The following TWNK variants were observed in gnomAD, a reference collection of about 807,000 sequenced individuals.
TWNK encodes the protein T7 gp4-like protein with intramitochondrial nucleoid localization.
TWNK carries 36 observed loss-of-function variants against 58.2 expected under a neutral mutation model. That is an observed-to-expected ratio of 0.62 (90% CI 0.47 to 0.82). The LOEUF is 0.82. TWNK is among the 40% of genes least tolerant of loss of function. The pLI, the probability that TWNK is intolerant of heterozygous loss-of-function variation, is 0.00. For synonymous variants in TWNK, 349 were observed against 348.5 expected (o/e 1.00, Z -0.02); for missense variants, 714 against 881.0 (o/e 0.81, Z 2.40).
At position 100,989,649 on chromosome 10, in the gene TWNK, A is replaced by G; in HGVS notation, c.1249A>G (p.Thr417Ala). Residue 417 changes from threonine (T) to alanine (A), a missense_variant, in exon 2 of 5, where the codon ACA (threonine) becomes GCA (alanine). Physicochemically the swap from Thr to Ala is moderately conservative, Grantham distance 58. Transcript: ENST00000311916. The surrounding 1 kb of genome is among the most constrained non-coding windows in gnomAD (Gnocchi z 7.6). ...KGELTVFTGPTGSGKTTFISE... is the reference protein window; with the variant it reads ...KGELTVFTGPAGSGKTTFISE... Reference sequence around the variant, plus strand: ...TCTGTTCCACCCCACTGCAGGGCCAACAGGCAGTGGAAAGACGACATTCAT... The same window carrying G: ...TCTGTTCCACCCCACTGCAGGGCCAGCAGGCAGTGGAAAGACGACATTCAT... 1 of 1,614,104 alleles carries G rather than the reference A, an allele frequency of 6.2e-7. No individual in the cohort carries two copies. The highest frequency in any genetic ancestry group is 8.5e-7 in the Non-Finnish European group (1 of 1,180,040).
chr10:100,988,626 G>A lies in TWNK; in HGVS notation c.416G>A (p.Gly139Glu), dbSNP rs1408088932. The A allele has an allele frequency of 6.2e-7, 1 of 1,613,840 alleles. No homozygotes were observed. The highest frequency in any genetic ancestry group is 1.3e-5 in the African/African-American group (1 of 74,932). ...VEGRGDGARE[G>E]FLLSKAPEFE... ...GGGCGAGGGGATGGGGCCAGGGAGG[G>A]GTTTCTGCTTAGCAAGGCACCAGAA... Residue 139 changes from glycine (G) to glutamate (E), a missense_variant, in exon 1 of 5, where the codon GGG (glycine) becomes GAG (glutamate). Transcript: ENST00000311916. This position sits in a 1 kb window ranked among gnomAD's most constrained non-coding sequence, Gnocchi z 5.2.
rs3740485 is a variant in TWNK, at chr10:100,990,864, C to T, written c.1593-5C>T. On this transcript the variant is annotated splice_region_variant and splice_polypyrimidine_tract_variant and intron_variant, in intron 3 of 4. Coordinates refer to ENST00000311916, the MANE Select transcript of TWNK (RefSeq NM_021830.5). ...TAAGCTCTTTGTGTTGTTGGGATGG[C>T]GTAGGATCGCAGCTCAAGACTACAT... 380,803 of 1,611,850 alleles carry T rather than the reference C, an allele frequency of 0.24. 51,486 individuals carry two copies. Among genetic ancestry groups the T allele is most frequent in the East Asian group, 0.55 (24,754 of 44,824 alleles).
Position 100,991,808 on chromosome 10 carries a change from C to T in TWNK, c.1734+798C>T, listed in dbSNP as rs184672855. Among the ~76,000 whole-genome samples the T allele has an allele frequency of 4.4e-3, 655 of 149,570 alleles. 6 individuals are homozygous for T. Among genetic ancestry groups the T allele is most frequent in the African/African-American group, 0.015 (595 of 40,518 alleles). On this transcript the variant is annotated intron_variant, in intron 4 of 4. Transcript: ENST00000311916. ...CGGGTGGATCACGAGGTCAGGAGATCGAGACTATCTTGCTAACATGGTGAA... is the reference window on the plus strand; with the variant it reads ...CGGGTGGATCACGAGGTCAGGAGATTGAGACTATCTTGCTAACATGGTGAA...
At position 100,988,817 on chromosome 10, in the gene TWNK, A is replaced by G; in HGVS notation, c.607A>G (p.Ser203Gly). 1 of 1,614,214 alleles carries G rather than the reference A, an allele frequency of 6.2e-7. No individual in the cohort carries two copies. The highest frequency in any genetic ancestry group is 8.5e-7 in the Non-Finnish European group (1 of 1,180,020). ...TGTGCGATATCTGCGACCTGCTCGC[A>G]GTCTTGTCTTCCCTTGGTTCTCCCC... The part of the protein sequence containing the change: ...FSVRYLRPAR[S>G]LVFPWFSPGG... The change falls in exon 1 of 5, where the codon AGT (serine) becomes GGT (glycine). Residue 203 changes from serine to glycine, a missense_variant. Coordinates refer to ENST00000311916, the MANE Select transcript of TWNK (RefSeq NM_021830.5). This position sits in a 1 kb window ranked among gnomAD's most constrained non-coding sequence, Gnocchi z 5.2.
rs1248647250 is a variant in TWNK at position 100,989,482 on chromosome 10, G to A, written c.1243+29G>A. ...ACCCTTTGAGAAATCACTACTTAGA[G>A]TAAAGGGGCAGAAGATCAGGTGACA... On this transcript the variant is annotated intron_variant, in intron 1 of 4. Transcript: ENST00000311916. This position sits in a 1 kb window ranked among gnomAD's most constrained non-coding sequence, Gnocchi z 7.6. 1 of 1,612,376 alleles carries A rather than the reference G, an allele frequency of 6.2e-7. No individual in the cohort carries two copies. The highest frequency in any genetic ancestry group is 2.2e-5 in the East Asian group (1 of 44,874).
rs1363053871 is a variant in TWNK at position 100,990,419 on chromosome 10, G to A, written c.1485-17G>A. ...CTAGAGACAACTTGTCAAATTCCTT[G>A]CCTTTCCTCTTCCCAGGACTGTAAT... On this transcript the variant is annotated splice_polypyrimidine_tract_variant and intron_variant, in intron 2 of 4. Coordinates refer to ENST00000311916, the MANE Select transcript of TWNK (RefSeq NM_021830.5). 1.4e-5 allele frequency: 22 copies of A among 1,599,404 alleles called. No homozygotes were observed. Among genetic ancestry groups the A allele is most frequent in the Non-Finnish European group, 1.9e-5 (22 of 1,166,824 alleles).
rs1337054015 is a variant in TWNK, at chr10:100,993,294, T to G, written c.1839T>G (p.Asp613Glu). 2 of 1,614,038 alleles carry G rather than the reference T, an allele frequency of 1.2e-6. No homozygotes were observed. Among genetic ancestry groups the G allele is most frequent in the Non-Finnish European group, 1.7e-6 (2 of 1,180,046 alleles). Residue 613 changes from aspartate to glutamate, a missense_variant, in exon 5 of 5, where the codon GAT becomes GAG. Asp to Glu is a conservative substitution (Grantham distance 45, BLOSUM62 2). Coordinates refer to ENST00000311916, the MANE Select transcript of TWNK (RefSeq NM_021830.5). ...TGTCCAAGAACCGCTTTGATGGAGA[T>G]GTAGGTGTCTTCCCGCTTGAGTTCA... is the stretch of plus-strand genomic sequence containing the variant. The part of the protein sequence containing the change: ...LQVSKNRFDG[D>E]VGVFPLEFNK...
chr10:100,990,613 T>C lies in TWNK; in HGVS notation c.1592+70T>C. ...ATACAACACACACTTCTCAGGCAGC[T>C]GGCCTCTAGGCACACATGCTGTGCT... is the stretch of plus-strand genomic sequence containing the variant. On this transcript the variant is annotated intron_variant, in intron 3 of 4. Transcript: ENST00000311916. 1.9e-6 allele frequency: 3 copies of C among 1,612,118 alleles called. No individual in the cohort carries two copies. The Admixed American group carries it at 5.0e-5, about 27-fold the overall frequency.
At position 100,993,679 on chromosome 10, in the gene TWNK, T is replaced by A. The variant is rs1178836128; in HGVS notation, c.*169T>A. The stretch of plus-strand genomic sequence containing the variant: ...GAGAAAATTCAATGTAGCAGACTAC[T>A]GAGAAACTACTGTGTTGCTCAGGCT... On this transcript the variant is annotated 3_prime_UTR_variant, in exon 5 of 5. Coordinates refer to ENST00000311916, the MANE Select transcript of TWNK (RefSeq NM_021830.5). 4.2e-6 allele frequency: 3 copies of A among 720,246 alleles called. No individual in the cohort carries two copies. Among genetic ancestry groups the A allele is most frequent in the African/African-American group, 3.5e-5 (2 of 56,730 alleles). The allele number at this position is 720,246 out of a possible 1,614,324, so 44.6% of individuals were successfully genotyped here.
In TWNK at chr10:100,994,306, C is replaced by T. The variant is rs541325538; in HGVS notation, c.*796C>T. On this transcript the variant is annotated 3_prime_UTR_variant, in exon 5 of 5. Coordinates refer to ENST00000311916, the MANE Select transcript of TWNK (RefSeq NM_021830.5). Reference sequence around the variant, plus strand: ...AGCTGTCAGCCCGGAGTGCCTGCCACCTAGACACTGATGCCATTGTGTGCT... The same window carrying T: ...AGCTGTCAGCCCGGAGTGCCTGCCATCTAGACACTGATGCCATTGTGTGCT... 2.0e-5 allele frequency: 3 copies of T among 152,272 alleles called. No homozygotes were observed. Among genetic ancestry groups the T allele is most frequent in the South Asian group, 2.1e-4 (1 of 4,840 alleles). 9.4% of individuals were successfully genotyped at this position (152,272 alleles called of 1,614,324 possible).
chr10:100,992,275 G>A (rs541759586), intron 4 of TWNK, among the ~76,000 whole-genome samples: 34 of 132,134 alleles, frequency 2.6e-4, no homozygotes, highest in Non-Finnish European at 4.4e-4. Flanking sequence ...GTGCAGTGGC[G>A]CGATCTCGGC....
In TWNK at chr10:100,994,131, A is replaced by C. The variant is rs528661244; in HGVS notation, c.*621A>C. The C allele has an allele frequency of 1.9e-5, 3 of 156,916 alleles. No individual in the cohort carries two copies. The highest frequency in any genetic ancestry group is 1.8e-4 in the Admixed American group (3 of 16,376). 9.7% of individuals were successfully genotyped at this position (156,916 alleles called of 1,614,324 possible). On this transcript the variant is annotated 3_prime_UTR_variant, in exon 5 of 5. Coordinates refer to ENST00000311916, the MANE Select transcript of TWNK (RefSeq NM_021830.5). ...AAAGTCAAAGGGTGATACAGTGGGT[A>C]CCAAGCTCCTCTGCTCCCCACTTTG...
Position 100,989,652 on chromosome 10 carries a change from G to A in TWNK, c.1252G>A (p.Gly418Ser), listed in dbSNP as rs368354221. The change falls in exon 2 of 5, where the codon GGC (glycine) becomes AGC (serine). Residue 418 changes from glycine (G) to serine (S), a missense_variant. By Grantham distance (56) the Gly-to-Ser change is moderately conservative. Transcript: ENST00000311916. The surrounding 1 kb of genome is among the most constrained non-coding windows in gnomAD (Gnocchi z 7.6). ...GTTCCACCCCACTGCAGGGCCAACA[G>A]GCAGTGGAAAGACGACATTCATCAG... is the stretch of plus-strand genomic sequence containing the variant. The part of the protein sequence containing the change: ...GELTVFTGPT[G>S]SGKTTFISEY... 1 of 1,614,018 alleles carries A rather than the reference G, an allele frequency of 6.2e-7. No homozygotes were observed. Among genetic ancestry groups the A allele is most frequent in the Non-Finnish European group, 8.5e-7 (1 of 1,180,046 alleles).
chr10:100,993,083 G>A (rs1419853384), intron 4 of TWNK, 107 bp from the exon 5 acceptor site: 4 of 1,194,068 alleles, frequency 3.3e-6, no homozygotes, highest in East Asian at 4.7e-5. Flanking sequence ...ATTGTACCCA[G>A]CCCCTCTCCC....
At position 100,988,594 on chromosome 10, in the gene TWNK, C is replaced by T. The variant is rs148234280; in HGVS notation, c.384C>T (p.Ser128=). 1.2e-4 allele frequency: 191 copies of T among 1,613,780 alleles called. No homozygotes were observed. The Middle Eastern group carries it at 2.0e-3, about 17-fold the overall frequency. Residue 128 remains serine (S), a synonymous_variant, in exon 1 of 5, where the codon AGC becomes AGT. Transcript: ENST00000311916. The surrounding 1 kb of genome is among the most constrained non-coding windows in gnomAD (Gnocchi z 5.2). The stretch of plus-strand genomic sequence containing the variant: ...GGAGCTGGGAAGACTTCCAGGCCAG[C>T]GTGGAGGGGCGAGGGGATGGGGCCA... ...AEGSWEDFQA[S]VEGRGDGARE... is the part of the protein sequence containing the mutation.
rs1161034925 is a variant in TWNK, at chr10:100,988,243, C to A, written c.33C>A (p.Leu11=). 1.2e-6 allele frequency: 2 copies of A among 1,614,190 alleles called. No homozygotes were observed. The highest frequency in any genetic ancestry group is 1.7e-6 in the Non-Finnish European group (2 of 1,180,044). MWVLLRSGYP[L]RILLPLRGEW... ...TCCTCCTCCGAAGTGGGTACCCCCTCCGTATCTTGTTACCCCTGCGTGGGG... is the reference window on the plus strand; with the variant it reads ...TCCTCCTCCGAAGTGGGTACCCCCTACGTATCTTGTTACCCCTGCGTGGGG... The change falls in exon 1 of 5, where the codon CTC becomes CTA. Residue 11 remains leucine (L), a synonymous_variant. Transcript: ENST00000311916. The surrounding 1 kb of genome is among the most constrained non-coding windows in gnomAD (Gnocchi z 5.2).
rs1175337383 is a variant in TWNK at position 100,989,425 on chromosome 10, T to C, written c.1215T>C (p.His405=). 1 of 1,613,972 alleles carries C rather than the reference T, an allele frequency of 6.2e-7. No homozygotes were observed. Among genetic ancestry groups the C allele is most frequent in the African/African-American group, 1.3e-5 (1 of 74,912 alleles). ...FPDLNRILKG[H]RKGELTVFTG... ...ACCTCAATCGTATCTTGAAGGGACATCGAAAGGGCGAGCTGACGGTCTTCA... is the reference window on the plus strand; with the variant it reads ...ACCTCAATCGTATCTTGAAGGGACACCGAAAGGGCGAGCTGACGGTCTTCA... Residue 405 remains histidine, a synonymous_variant, in exon 1 of 5, where the codon CAT becomes CAC. Coordinates refer to ENST00000311916, the MANE Select transcript of TWNK (RefSeq NM_021830.5). The surrounding 1 kb of genome is among the most constrained non-coding windows in gnomAD (Gnocchi z 7.6).
chr10:100,987,780 G>C lies in TWNK; in HGVS notation c.-431G>C. The C allele has an allele frequency of 1.7e-6, 1 of 584,626 alleles. No individual in the cohort carries two copies. Among genetic ancestry groups the C allele is most frequent in the Non-Finnish European group, 3.0e-6 (1 of 330,966 alleles). The allele number at this position is 584,626 out of a possible 1,614,324, so 36.2% of individuals were successfully genotyped here. A position where few individuals can be genotyped will look rare whatever the true frequency, so the allele number is the denominator to read the frequency against. ...CCAGTGAGGGGAAGGAGAAGCGGAAGAGGGTCTCTAGTCGGGGCCTAGGGC... is the reference window on the plus strand; with the variant it reads ...CCAGTGAGGGGAAGGAGAAGCGGAACAGGGTCTCTAGTCGGGGCCTAGGGC... On this transcript the variant is annotated 5_prime_UTR_variant, in exon 1 of 5. Transcript: ENST00000311916.
intron 3 of TWNK, 60 bp from the exon 4 acceptor site, chr10:100,990,809 A>G (rs1023300903): frequency 4.4e-6 from 7 of 1,599,394 alleles, no homozygotes; most frequent in South Asian, 1.1e-5. Flanking sequence ...GATCAAGAGT[A>G]TGTGTATGTT....
Sources: gnomAD v4.1 joint callset for allele counts (sites outside exome capture counted in the v4.1 genomes callset) on GRCh38, gnomAD v4.1.1 for gene constraint, Gnocchi (gnomAD v3.1) non-coding constraint, MANE v1.5 for transcripts, NCBI Gene and HGNC (gene_info 2026-07-23, HGNC 2026-07-21) for gene names.